The following DIS3L2 variants were observed in gnomAD, a reference collection of about 807,000 sequenced individuals.
DIS3L2 encodes the protein DIS3 like 3'-5' exoribonuclease 2, also known as DIS3-like exonuclease 2.
DIS3L2 carries 34 observed loss-of-function variants against 97.5 expected under a neutral mutation model. The observed-to-expected ratio is 0.35, with a 90% CI of 0.27 to 0.46. The LOEUF is 0.46. Ranked by LOEUF, DIS3L2 falls within the 20% of genes least tolerant of loss-of-function variation. The pLI is 1.00. For missense variants in DIS3L2, 1,038 were observed against 1,146.0 expected (o/e 0.91, Z 1.36); for synonymous variants, 435 against 445.2 (o/e 0.98, Z 0.29).
chr2:232,184,463 C>T (rs1376323922), intron 9 of DIS3L2, among the ~76,000 whole-genome samples: 1 of 152,168 alleles, frequency 6.6e-6, no homozygotes, highest in Middle Eastern at 3.4e-3. Context: ...CTAGCCTGGG[C>T]AACACAGCAA....
intron 1 of DIS3L2, among the ~76,000 whole-genome samples, chr2:231,977,803 G>C (rs1345576342): frequency 6.8e-6 from 1 of 147,858 alleles, no homozygotes; most frequent in East Asian, 2.1e-4. Context: ...AATAATTAAT[G>C]GAAAACTATC....
chr2:232,000,639 TTTCCTTTCCTTTCCTTTC>T (rs1340595366), intron 1 of DIS3L2, among the ~76,000 whole-genome samples: 2 of 145,210 alleles, frequency 1.4e-5, no homozygotes, highest in African/African-American at 2.6e-5. Context: ...TTTCCTTTCC[TTTCCTTTCCTTTCCTTTC>T]CTTTCTCTTT....
chr2:232,048,370 G>T (rs1280205291), intron 5 of DIS3L2, among the ~76,000 whole-genome samples: 2 of 152,080 alleles, frequency 1.3e-5, no homozygotes, highest in Non-Finnish European at 2.9e-5. Flanking sequence ...GCCCTTTGCT[G>T]TGTTATTTTA....
At chr2:232,144,959 G>A (rs1377710606) in intron 8 of DIS3L2, among the ~76,000 whole-genome samples, 2 of 152,164 alleles carry the variant, frequency 1.3e-5, no homozygotes, top group Non-Finnish European at 2.9e-5. Context: ...AAGTAATACT[G>A]GTGATGTTCA....
At chr2:231,996,868 T>C (rs1693746554) in intron 1 of DIS3L2, among the ~76,000 whole-genome samples, 1 of 152,240 alleles carries the variant, frequency 6.6e-6, no homozygotes, top group African/African-American at 2.4e-5. Context: ...ACTGTCTGTC[T>C]AGAAGGCTCT....
Position 232,307,356 on chromosome 2 carries a change from G to A in DIS3L2, c.1739+7237G>A, listed in dbSNP as rs539199145. ...TTCCAGCTTTGTCTTTTCATTTGCCGTAGGATTATCATGATGATTAAATTA... is the reference window on the plus strand; with the variant it reads ...TTCCAGCTTTGTCTTTTCATTTGCCATAGGATTATCATGATGATTAAATTA... On this transcript the variant is annotated intron_variant, in intron 14 of 20. Transcript: ENST00000325385. 1.1e-4 allele frequency among the ~76,000 whole-genome samples: 17 copies of A among 152,316 alleles called. No homozygotes were observed. In the East Asian group the frequency reaches 1.7e-3, roughly 16 times the overall value.
At chr2:232,126,978 C>T (rs1698078760) in intron 6 of DIS3L2, among the ~76,000 whole-genome samples, 1 of 152,174 alleles carries the variant, frequency 6.6e-6, no homozygotes, top group Non-Finnish European at 1.5e-5. Context: ...ATCTATATAT[C>T]CTTCAAGGCT....
chr2:232,153,524 T>C (rs1270113196), intron 8 of DIS3L2, among the ~76,000 whole-genome samples: 1 of 43,436 alleles, frequency 2.3e-5, no homozygotes, highest in Non-Finnish European at 4.8e-5. Context: ...TGTTGAATAT[T>C]GGCCCCCACT....
At chr2:232,067,327 G>T (rs147886840) in intron 5 of DIS3L2, among the ~76,000 whole-genome samples, 1 of 152,078 alleles carries the variant, frequency 6.6e-6, no homozygotes, top group South Asian at 2.1e-4. Flanking sequence ...ACATGTTAGC[G>T]TGTTGTATTT....
chr2:232,274,413 C>T (rs1414435942), intron 13 of DIS3L2, among the ~76,000 whole-genome samples: 2 of 152,170 alleles, frequency 1.3e-5, no homozygotes, highest in Admixed American at 6.5e-5. Context: ...ACATCAGAGA[C>T]GTGGAATTCT....
chr2:232,212,067 G>C (rs896867567), intron 10 of DIS3L2, among the ~76,000 whole-genome samples: 5 of 152,106 alleles, frequency 3.3e-5, no homozygotes, highest in African/African-American at 9.7e-5. Context: ...CAAGAGAAAA[G>C]GTCCCCTGGA....
intron 6 of DIS3L2, among the ~76,000 whole-genome samples, chr2:232,092,557 G>T (rs532855209): frequency 1.3e-5 from 2 of 151,984 alleles, no homozygotes; most frequent in South Asian, 4.2e-4. Context: ...AAACATTTTT[G>T]TGTCCTCTTT....
chr2:232,280,192 C>T (rs915134602), intron 13 of DIS3L2, among the ~76,000 whole-genome samples: 2 of 152,106 alleles, frequency 1.3e-5, no homozygotes, highest in Non-Finnish European at 2.9e-5. Flanking sequence ...ACAGTTGCAC[C>T]TGAGAAGATT....
intron 16 of DIS3L2, 82 bp from the exon 17 acceptor site, chr2:232,333,758 T>G: frequency 2.1e-6 from 3 of 1,401,636 alleles, no homozygotes; most frequent in Non-Finnish European, 2.8e-6. Context: ...CTGCCGACGG[T>G]GAGGCTGTGG....
intron 13 of DIS3L2, among the ~76,000 whole-genome samples, chr2:232,286,923 G>T (rs1027789631): frequency 6.6e-6 from 1 of 152,154 alleles, no homozygotes; most frequent in African/African-American, 2.4e-5. Context: ...GGGATTACAG[G>T]CGTGAGCCAC....
At chr2:232,048,092 T>C (rs567083439) in intron 5 of DIS3L2, among the ~76,000 whole-genome samples, 8 of 152,328 alleles carry the variant, frequency 5.3e-5, no homozygotes, top group African/African-American at 1.7e-4. Flanking sequence ...AGTGAAGTTA[T>C]TGGGTCATGT....
At chr2:232,246,549 A>G (rs1313186754) in intron 11 of DIS3L2, among the ~76,000 whole-genome samples, 1 of 152,216 alleles carries the variant, frequency 6.6e-6, no homozygotes, top group African/African-American at 2.4e-5. Context: ...GTATTGTTCT[A>G]CCAATAAGAA....
chr2:232,300,454 T>C (rs1694825337), intron 14 of DIS3L2, among the ~76,000 whole-genome samples: 1 of 152,210 alleles, frequency 6.6e-6, no homozygotes, highest in South Asian at 2.1e-4. Flanking sequence ...TGTGTGACTT[T>C]GGCTTTGTTG....
intron 5 of DIS3L2, among the ~76,000 whole-genome samples, chr2:232,055,003 A>C (rs1192610892): frequency 2.0e-5 from 3 of 152,232 alleles, no homozygotes; most frequent in Admixed American, 2.0e-4. Context: ...AGAAAGGAAA[A>C]ATCTATGGTT....
Sources: allele counts gnomAD v4.1 joint callset (sites outside exome capture counted in the v4.1 genomes callset), GRCh38; gene constraint gnomAD v4.1.1; transcripts MANE v1.5; gene names NCBI Gene and HGNC (gene_info 2026-07-23, HGNC 2026-07-21).